MUC17: variants seen among roughly 807,000 people sequenced by gnomAD.
MUC17 encodes the protein mucin-17.
Under a neutral mutation model 170.3 loss-of-function variants are expected in MUC17, and 190 were observed. That is an observed-to-expected ratio of 1.12 (90% CI 0.99 to 1.26). The LOEUF (loss-of-function observed/expected upper bound fraction) is 1.26. Among genes scored for constraint, MUC17 ranks in the 50% most tolerant of loss-of-function variants. MUC17 has a pLI of 0.00. For missense variants in MUC17, 6,415 were observed against 5,530.0 expected (o/e 1.16, Z -5.08); for synonymous variants, 2,325 against 2,002.5 (o/e 1.16, Z -4.30).
In MUC17 at chr7:101,037,457, C is replaced by T. The variant is rs1584865829; in HGVS notation, c.6041C>T (p.Thr2014Ile). The change falls in exon 3 of 13, where the codon ACT (threonine) becomes ATT (isoleucine). Residue 2014 changes from threonine (T) to isoleucine (I), a missense_variant. By Grantham distance (89) the Thr-to-Ile change is moderately conservative. Coordinates refer to ENST00000306151, the MANE Select transcript of MUC17 (RefSeq NM_001040105.2). ...TLSTTPVDTS[T>I]PATTSTEGSS... ...TCCACAACTCCTGTTGACACCAGCA[C>T]TCCTGCCACCACTTCTACTGAAGGC... is the stretch of plus-strand genomic sequence containing the variant. 6.2e-7 allele frequency: 1 copy of T among 1,610,582 alleles called. No individual in the cohort carries two copies. Among genetic ancestry groups the T allele is most frequent in the Non-Finnish European group, 8.5e-7 (1 of 1,178,268 alleles).
chr7:101,048,444 A>G (rs1794880897), intron 4 of MUC17, among the ~76,000 whole-genome samples: 1 of 151,850 alleles, frequency 6.6e-6, no homozygotes, highest in African/African-American at 2.4e-5. Context: ...AAAAAAAAAA[A>G]ACTTGACTGG....
Position 101,039,747 on chromosome 7 carries a change from C to G in MUC17, c.8331C>G (p.Asp2777Glu), listed in dbSNP as rs763888265. 8.1e-6 allele frequency: 13 copies of G among 1,609,102 alleles called. No homozygotes were observed. The highest frequency in any genetic ancestry group is 1.1e-5 in the Non-Finnish European group (13 of 1,177,418). The change falls in exon 3 of 13, where the codon GAC (aspartate) becomes GAG (glutamate). Residue 2777 changes from aspartate (D) to glutamate (E), a missense_variant. Physicochemically the swap from Asp to Glu is conservative, Grantham distance 45. Transcript: ENST00000306151. ...EASTVSTTAVDTSIPVTTSTE... is the reference protein window; with the variant it reads ...EASTVSTTAVETSIPVTTSTE... ...GCACCGTTTCAACAACTGCTGTTGA[C>G]ACCAGCATACCTGTCACCACTTCTA...
In MUC17 at chr7:101,040,145, C is replaced by A; in HGVS notation, c.8729C>A (p.Pro2910His). The change falls in exon 3 of 13, where the codon CCT becomes CAT. Residue 2910 changes from proline (P) to histidine (H), a missense_variant. Physicochemically the swap from Pro to His is moderately conservative, Grantham distance 77. Transcript: ENST00000306151. Reference protein sequence around the residue: ...VTTSTEGSSSPTTAEGTSMPI... With the variant: ...VTTSTEGSSSHTTAEGTSMPI... Reference sequence around the variant, plus strand: ...ACTTCTACTGAAGGCAGTTCTTCTCCTACAACTGCTGAAGGTACCAGCATG... The same window carrying A: ...ACTTCTACTGAAGGCAGTTCTTCTCATACAACTGCTGAAGGTACCAGCATG... 2 of 1,612,856 alleles carry A rather than the reference C, an allele frequency of 1.2e-6. No individual in the cohort carries two copies. Among genetic ancestry groups the A allele is most frequent in the Non-Finnish European group, 8.5e-7 (1 of 1,179,440 alleles).
Position 101,049,371 on chromosome 7 carries a change from C to T in MUC17, c.12711C>T (p.Ile4237=), listed in dbSNP as rs377406523. 2.5e-6 allele frequency: 4 copies of T among 1,612,726 alleles called. No homozygotes were observed. The highest frequency in any genetic ancestry group is 3.4e-6 in the Non-Finnish European group (4 of 1,179,312). Residue 4237 remains isoleucine (I), a synonymous_variant, in exon 6 of 13, where the codon ATC becomes ATT. Coordinates refer to ENST00000306151, the MANE Select transcript of MUC17 (RefSeq NM_001040105.2). ...TCCCTGAGTATGTCGGGGTGAACAT[C>T]ACAAAGCTACGGTAAGTGTCTGGGC... ...SGIPEYVGVN[I]TKLRLGSVVV... is the part of the protein sequence containing the mutation.
Position 101,038,394 on chromosome 7 carries a change from C to A in MUC17, c.6978C>A (p.Thr2326=), listed in dbSNP as rs747802212. The part of the protein sequence containing the change: ...ASSPPPTAEG[T]SMPTSTSSEG... ...CACCTCCTCCCACTGCTGAAGGTAC[C>A]AGCATGCCAACCTCAACTTCTAGTG... Residue 2326 remains threonine, a synonymous_variant, in exon 3 of 13, where the codon ACC becomes ACA. Transcript: ENST00000306151. The A allele has an allele frequency of 2.8e-5, 45 of 1,614,110 alleles. No homozygotes were observed. Among genetic ancestry groups the A allele is most frequent in the Non-Finnish European group, 3.6e-5 (43 of 1,180,024 alleles).
At chr7:101,026,253 G>A (rs1794176828) in intron 1 of MUC17, among the ~76,000 whole-genome samples, 1 of 152,216 alleles carries the variant, frequency 6.6e-6, no homozygotes, top group Non-Finnish European at 1.5e-5. Context: ...TTACCTGCAG[G>A]GGCCAGGCCC....
At chr7:101,029,509 A>G (rs984831073) in intron 1 of MUC17, among the ~76,000 whole-genome samples, 3 of 152,122 alleles carry the variant, frequency 2.0e-5, no homozygotes, top group African/African-American at 7.2e-5. Flanking sequence ...TTGACTGTTC[A>G]TACTCAGTAA....
chr7:101,029,303 C>T (rs570164269), intron 1 of MUC17, among the ~76,000 whole-genome samples: 87 of 152,068 alleles, frequency 5.7e-4, no homozygotes, highest in Non-Finnish European at 1.1e-3. Flanking sequence ...TTGCAGTGAG[C>T]AGAGATCGCG....
Position 101,036,792 on chromosome 7 carries a change from T to G in MUC17, c.5376T>G (p.Thr1792=), listed in dbSNP as rs768001102. 13 of 1,606,262 alleles carry G rather than the reference T, an allele frequency of 8.1e-6. No homozygotes were observed. In the Admixed American group the frequency reaches 2.2e-4, roughly 27 times the overall value. Residue 1792 remains threonine, a synonymous_variant, in exon 3 of 13, where the codon ACT becomes ACG. Transcript: ENST00000306151. ...CTGAAGCCACTTCGTCTCCTACAAC[T>G]GCTGAAGGTACCAGCATACCAACCT... is the stretch of plus-strand genomic sequence containing the variant. ...TSTEATSSPT[T]AEGTSIPTST...
intron 3 of MUC17, among the ~76,000 whole-genome samples, chr7:101,045,049 C>T (rs570396287): frequency 2.0e-4 from 31 of 152,266 alleles, no homozygotes; most frequent in Middle Eastern, 6.8e-3. Context: ...TTAGGGTGAG[C>T]GTTGCACCAT....
In MUC17 at chr7:101,034,074, A is replaced by T. The variant is rs879229723; in HGVS notation, c.2658A>T (p.Ser886=). The T allele has an allele frequency of 1.7e-5, 26 of 1,574,222 alleles. No individual in the cohort carries two copies. The highest frequency in any genetic ancestry group is 3.0e-5 in the African/African-American group (2 of 66,166). The change falls in exon 3 of 13, where the codon TCA becomes TCT. Residue 886 remains serine, a synonymous_variant. Coordinates refer to ENST00000306151, the MANE Select transcript of MUC17 (RefSeq NM_001040105.2). ...LVATSAISTL[S]TTPVDTSTPV... is the part of the protein sequence containing the mutation. Reference sequence around the variant, plus strand: ...CCACTTCTGCAATCAGCACCCTTTCAACAACTCCTGTTGACACCAGCACAC... The same window carrying T: ...CCACTTCTGCAATCAGCACCCTTTCTACAACTCCTGTTGACACCAGCACAC...
Position 101,042,338 on chromosome 7 carries a change from C to T in MUC17, c.10922C>T (p.Pro3641Leu), listed in dbSNP as rs1210128710. The change falls in exon 3 of 13, where the codon CCT (proline) becomes CTT (leucine). Residue 3641 changes from proline to leucine, a missense_variant. By Grantham distance (98) the Pro-to-Leu change is moderately conservative. Coordinates refer to ENST00000306151, the MANE Select transcript of MUC17 (RefSeq NM_001040105.2). Reference protein sequence around the residue: ...SEVSTPLTIMPVSTTSVTISE... With the variant: ...SEVSTPLTIMLVSTTSVTISE... ...GTAAGCACTCCATTAACCATTATGC[C>T]TGTCAGCACCACATCGGTGACCATT... The T allele has an allele frequency of 2.5e-6, 4 of 1,614,058 alleles. No homozygotes were observed. Among genetic ancestry groups the T allele is most frequent in the Non-Finnish European group, 2.5e-6 (3 of 1,180,032 alleles).
In MUC17 at chr7:101,039,208, C is replaced by T; in HGVS notation, c.7792C>T (p.Pro2598Ser). The T allele has an allele frequency of 6.2e-7, 1 of 1,613,354 alleles. No homozygotes were observed. Among genetic ancestry groups the T allele is most frequent in the East Asian group, 2.2e-5 (1 of 44,848 alleles). ...TGAGGCTAGCACTCTTTCAACAACTCCTGTTGACACCAGCATACCTGTCAC... is the reference window on the plus strand; with the variant it reads ...TGAGGCTAGCACTCTTTCAACAACTTCTGTTGACACCAGCATACCTGTCAC... Reference protein sequence around the residue: ...SSEASTLSTTPVDTSIPVTTS... With the variant: ...SSEASTLSTTSVDTSIPVTTS... Residue 2598 changes from proline (P) to serine (S), a missense_variant, in exon 3 of 13, where the codon CCT becomes TCT. Coordinates refer to ENST00000306151, the MANE Select transcript of MUC17 (RefSeq NM_001040105.2).
In MUC17 at chr7:101,036,035, T is replaced by A. The variant is rs199509433; in HGVS notation, c.4619T>A (p.Val1540Asp). Reference protein sequence around the residue: ...EINSLSTTPAVTSTPVTTYSQ... With the variant: ...EINSLSTTPADTSTPVTTYSQ... The stretch of plus-strand genomic sequence containing the variant: ...AACAGCCTTTCAACAACTCCTGCTG[T>A]CACCAGCACACCTGTGACCACTTAT... Residue 1540 changes from valine to aspartate, a missense_variant, in exon 3 of 13, where the codon GTC becomes GAC. Physicochemically the swap from Val to Asp is radical, Grantham distance 152. Coordinates refer to ENST00000306151, the MANE Select transcript of MUC17 (RefSeq NM_001040105.2). 0.06 allele frequency: 85,458 copies of A among 1,416,282 alleles called. 1 individual carries two copies. Among genetic ancestry groups the A allele is most frequent in the African/African-American group, 0.16 (9,005 of 55,612 alleles). 87.7% of individuals were successfully genotyped at this position (1,416,282 alleles called of 1,614,324 possible). A position where few individuals can be genotyped will look rare whatever the true frequency, so the allele number is the denominator to read the frequency against.
Position 101,042,187 on chromosome 7 carries a change from T to C in MUC17, c.10771T>C (p.Ser3591Pro), listed in dbSNP as rs368707538. Reference protein sequence around the residue: ...MLLSSTYVTSSEASTPSTPSV... With the variant: ...MLLSSTYVTSPEASTPSTPSV... Reference sequence around the variant, plus strand: ...CCTCAGCAGCACATATGTGACCAGTTCTGAGGCTAGCACACCTTCCACTCC... The same window carrying C: ...CCTCAGCAGCACATATGTGACCAGTCCTGAGGCTAGCACACCTTCCACTCC... The change falls in exon 3 of 13, where the codon TCT becomes CCT. Residue 3591 changes from serine to proline, a missense_variant. Transcript: ENST00000306151. The C allele has an allele frequency of 6.2e-7, 1 of 1,614,096 alleles. No homozygotes were observed. The highest frequency in any genetic ancestry group is 1.3e-5 in the African/African-American group (1 of 74,926).
chr7:101,047,695 G>GTGGCAT (rs1794865662), intron 3 of MUC17, among the ~76,000 whole-genome samples: 2 of 152,140 alleles, frequency 1.3e-5, no homozygotes, highest in South Asian at 4.1e-4. Flanking sequence ...GCTGGGTGTG[G>GTGGCAT]TGGCACGCGC....
In MUC17 at chr7:101,053,146, C is replaced by T. The variant is rs200432121; in HGVS notation, c.13264C>T (p.Arg4422Trp). 1.3e-4 allele frequency: 217 copies of T among 1,612,904 alleles called. No homozygotes were observed. Among genetic ancestry groups the T allele is most frequent in the East Asian group, 4.7e-4 (21 of 44,876 alleles). The change falls in exon 10 of 13, where the codon CGG (arginine) becomes TGG (tryptophan). Residue 4422 changes from arginine to tryptophan, a missense_variant and splice_region_variant. By Grantham distance (101) the Arg-to-Trp change is moderately radical. Coordinates refer to ENST00000306151, the MANE Select transcript of MUC17 (RefSeq NM_001040105.2). Reference sequence around the variant, plus strand: ...TTTCCGCTCCAAGAGAGAGGTGAAACGGTGAGCGAGCCCCTACCACCTCCT... The same window carrying T: ...TTTCCGCTCCAAGAGAGAGGTGAAATGGTGAGCGAGCCCCTACCACCTCCT... Reference protein sequence around the residue: ...LVFRSKREVKRQKYRLSQLYK... With the variant: ...LVFRSKREVKWQKYRLSQLYK...
Position 101,032,790 on chromosome 7 carries a change from T to G in MUC17, c.1374T>G (p.Pro458=). The G allele has an allele frequency of 1.9e-6, 3 of 1,614,124 alleles. No homozygotes were observed. The highest frequency in any genetic ancestry group is 2.5e-6 in the Non-Finnish European group (3 of 1,179,998). Residue 458 remains proline, a synonymous_variant, in exon 3 of 13, where the codon CCT becomes CCG. Transcript: ENST00000306151. ...SEGSTPLTSM[P]VSTTPVASSE... ...GAAGCACTCCATTAACAAGTATGCC[T>G]GTCAGCACCACTCCAGTGGCCAGTT...
chr7:101,031,283 G>A (rs574004531), intron 2 of MUC17, 62 bp downstream of exon 2: 29 of 1,555,230 alleles, frequency 1.9e-5, no homozygotes, highest in African/African-American at 1.6e-4. Context: ...GGGCTAGAGC[G>A]ACCCCTGCCA....
Sources: allele counts gnomAD v4.1 joint callset (sites outside exome capture counted in the v4.1 genomes callset), GRCh38; gene constraint gnomAD v4.1.1; transcripts MANE v1.5; gene names NCBI Gene and HGNC (gene_info 2026-07-23, HGNC 2026-07-21).